ADGRL3: variants seen among roughly 807,000 people sequenced by gnomAD.
ADGRL3 encodes calcium-independent alpha-latrotoxin receptor 3.
In ADGRL3, 62 loss-of-function variants were observed where a neutral mutation model predicts 153.5. That is an observed-to-expected ratio of 0.40 (90% CI 0.33 to 0.50). The LOEUF (loss-of-function observed/expected upper bound fraction) is 0.50. ADGRL3 is among the 20% of genes least tolerant of loss of function. The probability of loss-of-function intolerance (pLI) is 0.47; values close to 1 mark genes in which losing one functional copy is unlikely to be tolerated. For missense variants in ADGRL3, 1,641 were observed against 1,859.4 expected, an observed-to-expected ratio of 0.88 and a Z score of 2.16; for synonymous variants, 710 against 672.5, an observed-to-expected ratio of 1.06 and a Z score of -0.86.
At position 61,520,511 on chromosome 4, in the gene ADGRL3, A is replaced by G. The variant is rs1908439; in HGVS notation, c.259+2993A>G. Among the ~76,000 whole-genome samples, 1,439 of 152,262 alleles carry G rather than the reference A, an allele frequency of 9.5e-3. 20 individuals are homozygous for G. Among genetic ancestry groups the G allele is most frequent in the African/African-American group, 0.032 (1,322 of 41,548 alleles). ...AAGTTCATCTTTTGCAAGAGCCACA[A>G]ATGCTTCCACAAGAGGGTTATATAT... is the stretch of plus-strand genomic sequence containing the variant. On this transcript the variant is annotated intron_variant, in intron 4 of 26. Coordinates refer to ENST00000683033, the MANE Select transcript of ADGRL3 (RefSeq NM_001387552.1).
chr4:61,399,820 T>G (rs1252501817), intron 2 of ADGRL3, among the ~76,000 whole-genome samples: 1 of 151,712 alleles, frequency 6.6e-6, no homozygotes, highest in Non-Finnish European at 1.5e-5. Context: ...ATTTTAGGAA[T>G]GAGAAGGAAT....
intron 6 of ADGRL3, among the ~76,000 whole-genome samples, chr4:61,708,619 G>T (rs1561100110): frequency 1.3e-5 from 2 of 151,756 alleles, no homozygotes; most frequent in African/African-American, 4.8e-5. Flanking sequence ...GTAAATGTGT[G>T]CTATGGGTTT....
chr4:61,763,911 C>T (rs1326351327), intron 8 of ADGRL3, among the ~76,000 whole-genome samples: 3 of 152,046 alleles, frequency 2.0e-5, no homozygotes, highest in African/African-American at 7.2e-5. Flanking sequence ...CTACTAAATC[C>T]AGTAGAATAA....
intron 2 of ADGRL3, among the ~76,000 whole-genome samples, chr4:61,395,994 G>A (rs1232436013): frequency 6.6e-6 from 1 of 151,910 alleles, no homozygotes; most frequent in East Asian, 1.9e-4. Context: ...AACTAACCAG[G>A]TTGTTTTGTT....
At chr4:61,887,764 G>A (rs779922095) in intron 9 of ADGRL3, among the ~76,000 whole-genome samples, 1 of 152,266 alleles carries the variant, frequency 6.6e-6, no homozygotes, top group Non-Finnish European at 1.5e-5. Flanking sequence ...AGAATCACTT[G>A]AACCCAGGAG....
intron 5 of ADGRL3, among the ~76,000 whole-genome samples, chr4:61,617,390 A>G (rs2092117074): frequency 1.3e-5 from 2 of 151,996 alleles, no homozygotes; most frequent in South Asian, 4.2e-4. Flanking sequence ...TCTTCACTGT[A>G]CCTTTTTTGC....
At chr4:61,900,136 A>C (rs1285395570) in intron 11 of ADGRL3, among the ~76,000 whole-genome samples, 4 of 152,158 alleles carry the variant, frequency 2.6e-5, no homozygotes, top group African/African-American at 9.7e-5. Context: ...CCCCATCTGT[A>C]AAATGGAGTA....
chr4:61,487,342 G>A lies in ADGRL3; in HGVS notation c.-173-9779G>A, dbSNP rs180770856. ...AGGAATAAGATAGCCCCTTCCTTAT[G>A]GAGTTTTTATAGGATATACAATAAT... On this transcript the variant is annotated intron_variant, in intron 2 of 26. Coordinates refer to ENST00000683033, the MANE Select transcript of ADGRL3 (RefSeq NM_001387552.1). 6.0e-4 allele frequency among the ~76,000 whole-genome samples: 91 copies of A among 152,190 alleles called. 1 individual carries two copies. Among genetic ancestry groups the A allele is most frequent in the Non-Finnish European group, 1.2e-3 (79 of 67,996 alleles).
At chr4:61,532,166 T>C (rs894542331) in intron 4 of ADGRL3, among the ~76,000 whole-genome samples, 5 of 152,278 alleles carry the variant, frequency 3.3e-5, no homozygotes, top group African/African-American at 2.4e-5. Context: ...TTATACTGCA[T>C]GTGAGGAAGG....
chr4:61,308,950 T>A (rs1484943142), intron 1 of ADGRL3, among the ~76,000 whole-genome samples: 1 of 152,318 alleles, frequency 6.6e-6, no homozygotes, highest in African/African-American at 2.4e-5. Flanking sequence ...CCACTTCATT[T>A]CATTTTTTCT....
At position 61,962,600 on chromosome 4, in the gene ADGRL3, A is replaced by G. The variant is rs574745051; in HGVS notation, c.2805+14324A>G. Reference sequence around the variant, plus strand: ...ACCTTTCTTATTTTTTTCCCTCATGATTAGATTTGGGTAAAACATTTTTGT... The same window carrying G: ...ACCTTTCTTATTTTTTTCCCTCATGGTTAGATTTGGGTAAAACATTTTTGT... On this transcript the variant is annotated intron_variant, in intron 17 of 26. Coordinates refer to ENST00000683033, the MANE Select transcript of ADGRL3 (RefSeq NM_001387552.1). Among the ~76,000 whole-genome samples the G allele has an allele frequency of 3.3e-5, 5 of 152,138 alleles. 1 individual carries two copies. The East Asian group carries it at 7.7e-4, about 24-fold the overall frequency.
intron 1 of ADGRL3, among the ~76,000 whole-genome samples, chr4:61,294,910 C>A (rs1047516836): frequency 7.4e-6 from 1 of 135,362 alleles, no homozygotes; most frequent in Non-Finnish European, 1.7e-5. Flanking sequence ...CACTCACACA[C>A]ACACACACAC....
At chr4:61,748,631 T>A (rs2096707245) in intron 8 of ADGRL3, among the ~76,000 whole-genome samples, 1 of 152,142 alleles carries the variant, frequency 6.6e-6, no homozygotes, top group Admixed American at 6.5e-5. Context: ...ATTTAATAAA[T>A]GGTGTTGGGA....
At chr4:61,359,528 A>G (rs1277211674) in intron 1 of ADGRL3, among the ~76,000 whole-genome samples, 1 of 151,966 alleles carries the variant, frequency 6.6e-6, no homozygotes, top group Non-Finnish European at 1.5e-5. Flanking sequence ...GGGCCTTTGC[A>G]CTTGTTTCCT....
At chr4:61,755,996 A>T (rs994116372) in intron 8 of ADGRL3, among the ~76,000 whole-genome samples, 1 of 152,182 alleles carries the variant, frequency 6.6e-6, no homozygotes, top group Admixed American at 6.5e-5. Flanking sequence ...TTTTGGTACC[A>T]GTACCATGCT....
chr4:61,824,249 G>T (rs1395409426), intron 9 of ADGRL3, among the ~76,000 whole-genome samples: 2 of 151,992 alleles, frequency 1.3e-5, no homozygotes, highest in African/African-American at 2.4e-5. Context: ...TTTTTTGTGT[G>T]CTTGTTGTTT....
intron 11 of ADGRL3, among the ~76,000 whole-genome samples, chr4:61,907,030 A>G (rs1046417673): frequency 2.6e-5 from 4 of 152,086 alleles, no homozygotes; most frequent in Admixed American, 2.0e-4. Flanking sequence ...AATTTTGTAC[A>G]TAATGATACT....
intron 4 of ADGRL3, among the ~76,000 whole-genome samples, chr4:61,529,394 C>T (rs2098598137): frequency 1.3e-5 from 2 of 152,120 alleles, no homozygotes; most frequent in African/African-American, 4.8e-5. Context: ...GTTAGGCTAA[C>T]CATATGTTCT....
chr4:61,744,379 G>A (rs1448380993), intron 8 of ADGRL3, among the ~76,000 whole-genome samples: 1 of 152,202 alleles, frequency 6.6e-6, no homozygotes, highest in Non-Finnish European at 1.5e-5. Flanking sequence ...CCAGCACGCA[G>A]CTGGAGATCT....
Sources: gnomAD v4.1 joint callset for allele counts (sites outside exome capture counted in the v4.1 genomes callset) on GRCh38, gnomAD v4.1.1 for gene constraint, MANE v1.5 for transcripts, NCBI Gene and HGNC (gene_info 2026-07-23, HGNC 2026-07-21) for gene names.